Variants in KIF14 observed in about 807,000 individuals in gnomAD.
KIF14 encodes the protein kinesin family member 14, also known as kinesin-like protein KIF14.
Under a neutral mutation model 176.2 loss-of-function variants are expected in KIF14, and 98 were observed. The ratio of observed to expected loss-of-function variants is 0.56; its 90% CI spans 0.47 to 0.66. The LOEUF is 0.66. Among genes scored for constraint, KIF14 ranks in the 30% least tolerant of loss-of-function variants. The pLI, the probability that KIF14 is intolerant of heterozygous loss-of-function variation, is 0.00. For missense variants in KIF14, 1,751 were observed against 1,920.4 expected (o/e 0.91, Z 1.65); for synonymous variants, 566 against 632.2 (o/e 0.90, Z 1.57).
At chr1:200,563,994 G>A (rs1466276228) in intron 25 of KIF14, among the ~76,000 whole-genome samples, 1 of 152,114 alleles carries the variant, frequency 6.6e-6, no homozygotes, top group Non-Finnish European at 1.5e-5. Flanking sequence ...GGGCGCAGTG[G>A]CTCATGCCTG....
At chr1:200,564,017 T>G (rs1433187623) in intron 25 of KIF14, among the ~76,000 whole-genome samples, 1 of 151,928 alleles carries the variant, frequency 6.6e-6, no homozygotes, top group African/African-American at 2.4e-5. Context: ...ATCCCAGCAC[T>G]TTGGGAAGCT....
chr1:200,576,350 C>T (rs1329528236), intron 21 of KIF14, among the ~76,000 whole-genome samples: 3 of 151,822 alleles, frequency 2.0e-5, no homozygotes, highest in Non-Finnish European at 2.9e-5. Flanking sequence ...TGGTAGCGGG[C>T]GCCTGTAGTC....
In KIF14 at chr1:200,553,725, C is replaced by A. The variant is rs1656683408; in HGVS notation, c.4610G>T (p.Ser1537Ile). Reference protein sequence around the residue: ...DINLLQTCVESIRNLASDFYS... With the variant: ...DINLLQTCVEIIRNLASDFYS... Reference sequence around the variant, plus strand: ...AAAATCACTGGCCAAGTTGCGAATACTTTCAACACAAGTCTGGAGAAGATT... The same window carrying A: ...AAAATCACTGGCCAAGTTGCGAATAATTTCAACACAAGTCTGGAGAAGATT... Residue 1537 changes from serine (S) to isoleucine (I), a missense_variant, in exon 30 of 30, where the codon AGT (serine) becomes ATT (isoleucine). Transcript: ENST00000367350. 6.2e-7 allele frequency: 1 copy of A among 1,610,438 alleles called. No homozygotes were observed. Among genetic ancestry groups the A allele is most frequent in the African/African-American group, 1.3e-5 (1 of 74,946 alleles).
chr1:200,589,214 T>TG lies in KIF14; in HGVS notation c.3114+2_3114+3insC. On this transcript the variant is annotated splice_region_variant and intron_variant, in intron 18 of 29. Coordinates refer to ENST00000367350, the MANE Select transcript of KIF14 (RefSeq NM_014875.3). ...GAGTTAACTGGTTACACAATAAAATTACCTGTTTTGTAGCCAATGTTTCCA... is the reference window on the plus strand; with the variant it reads ...GAGTTAACTGGTTACACAATAAAATTGACCTGTTTTGTAGCCAATGTTTCCA... 1 of 1,593,416 alleles carries TG rather than the reference T, an allele frequency of 6.3e-7. No individual in the cohort carries two copies. Among genetic ancestry groups the TG allele is most frequent in the Non-Finnish European group, 8.5e-7 (1 of 1,170,608 alleles).
intron 19 of KIF14, among the ~76,000 whole-genome samples, chr1:200,584,621 T>C (rs1465911978): frequency 1.3e-5 from 2 of 152,216 alleles, no homozygotes; most frequent in African/African-American, 4.8e-5. Flanking sequence ...ATCATTTCAA[T>C]AGGTGCAAAA....
rs139325663 is a variant in KIF14, at chr1:200,616,126, A to G, written c.1113-517T>C. Among the ~76,000 whole-genome samples, 484 of 152,264 alleles carry G rather than the reference A, an allele frequency of 3.2e-3. 3 individuals carry two copies. The highest frequency in any genetic ancestry group is 0.011 in the African/African-American group (444 of 41,552). On this transcript the variant is annotated intron_variant, in intron 2 of 29. Coordinates refer to ENST00000367350, the MANE Select transcript of KIF14 (RefSeq NM_014875.3). ...CTTAAAATCATGAATCTTTCTGTAT[A>G]TCCTTTTTCCCTTTGAGACTTAGGT...
intron 2 of KIF14, among the ~76,000 whole-genome samples, chr1:200,616,714 C>T (rs1273928127): frequency 2.6e-5 from 4 of 152,172 alleles, no homozygotes; most frequent in Admixed American, 6.5e-5. Context: ...TTTTAAACAA[C>T]TACATTAAAA....
intron 22 of KIF14, among the ~76,000 whole-genome samples, chr1:200,575,194 G>T (rs1658029916): frequency 6.6e-6 from 1 of 152,034 alleles, no homozygotes; most frequent in East Asian, 1.9e-4. Flanking sequence ...CTGACCTCGT[G>T]ATCCACCCAC....
intron 22 of KIF14, among the ~76,000 whole-genome samples, chr1:200,572,254 T>C (rs756261040): frequency 3.3e-5 from 5 of 152,254 alleles, no homozygotes; most frequent in Admixed American, 6.5e-5. Context: ...GTTTTGATTT[T>C]TGGTAACATT....
intron 4 of KIF14, 95 bp downstream of exon 4, chr1:200,614,223 C>T: frequency 1.5e-6 from 1 of 646,850 alleles, no homozygotes; most frequent in South Asian, 2.0e-5. Context: ...AACTGATCTT[C>T]CATTAAGTAT....
In KIF14 at chr1:200,603,308, A is replaced by G. The variant is rs1198514680; in HGVS notation, c.1897T>C (p.Leu633=). 6 of 1,608,750 alleles carry G rather than the reference A, an allele frequency of 3.7e-6. No individual in the cohort carries two copies. Among genetic ancestry groups the G allele is most frequent in the Non-Finnish European group, 5.1e-6 (6 of 1,176,314 alleles). The change falls in exon 10 of 30, where the codon TTG becomes CTG. Residue 633 remains leucine (L), a synonymous_variant. Transcript: ENST00000367350. ...GAAAGTGCAGATATAACTTTTCCCA[A>G]AGTTAGCAAGGACTTATTAATACTC... ...GVSINKSLLT[L]GKVISALSEQ...
In KIF14 at chr1:200,605,295, C is replaced by A. The variant is rs144936292; in HGVS notation, c.1734G>T (p.Met578Ile). Residue 578 changes from methionine (M) to isoleucine (I), a missense_variant, in exon 8 of 30, where the codon ATG (methionine) becomes ATT (isoleucine). Coordinates refer to ENST00000367350, the MANE Select transcript of KIF14 (RefSeq NM_014875.3). The part of the protein sequence containing the change: ...SRSHSVFTLV[M>I]TQTKTEFVEG... ...TTAAAAAAAATACCTTGGTCTGGGT[C>A]ATCACCAGGGTGAAAACTGAATGAG... 1.9e-6 allele frequency: 3 copies of A among 1,605,296 alleles called. No homozygotes were observed. Among genetic ancestry groups the A allele is most frequent in the Non-Finnish European group, 2.6e-6 (3 of 1,174,092 alleles).
intron 22 of KIF14, among the ~76,000 whole-genome samples, chr1:200,572,160 A>G (rs1657826332): frequency 6.6e-6 from 1 of 152,258 alleles, no homozygotes; most frequent in African/African-American, 2.4e-5. Flanking sequence ...TTTTAAAAAT[A>G]TGATACTTTT....
At chr1:200,582,050 A>T (rs1048591794) in intron 19 of KIF14, among the ~76,000 whole-genome samples, 1 of 151,894 alleles carries the variant, frequency 6.6e-6, no homozygotes, top group Admixed American at 6.6e-5. Context: ...GATTACAGAC[A>T]TGAGCCACCA....
intron 14 of KIF14, among the ~76,000 whole-genome samples, chr1:200,597,815 CA>C (rs911696816): frequency 6.6e-6 from 1 of 152,088 alleles, no homozygotes; most frequent in African/African-American, 2.4e-5. Flanking sequence ...AATGCAGAGT[CA>C]AAAAAGTTTA....
chr1:200,589,671 C>CTTTTTTTT (rs1204882989), intron 17 of KIF14, among the ~76,000 whole-genome samples: 12 of 76,534 alleles, frequency 1.6e-4, no homozygotes, highest in African/African-American at 4.1e-4. Flanking sequence ...CAACTTTTTT[C>CTTTTTTTT]TTTTTTTTTT....
At chr1:200,564,790 A>G (rs1048673736) in intron 25 of KIF14, among the ~76,000 whole-genome samples, 12 of 152,196 alleles carry the variant, frequency 7.9e-5, no homozygotes, top group African/African-American at 2.9e-4. Context: ...CCATTTCCTC[A>G]TCTACAAGAT....
chr1:200,555,031 AATCT>A (rs1253406268), intron 28 of KIF14, among the ~76,000 whole-genome samples: 17 of 152,298 alleles, frequency 1.1e-4, no homozygotes, highest in Non-Finnish European at 2.5e-4. Context: ...ACATGGGAAT[AATCT>A]ATCTAATTCA....
chr1:200,599,961 T>A (rs1571542710), intron 13 of KIF14, 89 bp downstream of exon 13: 1 of 758,436 alleles, frequency 1.3e-6, no homozygotes, highest in East Asian at 2.6e-5. Context: ...TTTGAAACAT[T>A]AAATTTACAT....
Sources: gnomAD v4.1 joint callset for allele counts (sites outside exome capture counted in the v4.1 genomes callset) on GRCh38, gnomAD v4.1.1 for gene constraint, MANE v1.5 for transcripts, NCBI Gene and HGNC (gene_info 2026-07-23, HGNC 2026-07-21) for gene names.